The following RPS6KA5 variants were observed in gnomAD, a reference collection of about 807,000 sequenced individuals.
RPS6KA5 encodes the protein ribosomal protein S6 kinase A5, also known as ribosomal protein S6 kinase alpha-5.
RPS6KA5 carries 27 observed loss-of-function variants against 85.5 expected under a neutral mutation model. The ratio of observed to expected loss-of-function variants is 0.32; its 90% confidence interval spans 0.23 to 0.44. The LOEUF is 0.44. Among genes scored for constraint, RPS6KA5 ranks in the 20% least tolerant of loss-of-function variants. The pLI, the probability that RPS6KA5 is intolerant of heterozygous loss-of-function variation, is 1.00. For synonymous variants in RPS6KA5, 334 were observed against 348.2 expected, an observed-to-expected ratio of 0.96 and a Z score of 0.46; for missense variants, 811 against 980.9, an observed-to-expected ratio of 0.83 and a Z score of 2.31.
At chr14:90,877,329 C>T (rs111534394) in intron 14 of RPS6KA5, among the ~76,000 whole-genome samples, 1,960 of 152,290 alleles carry the variant, frequency 0.013, 43 homozygotes, top group African/African-American at 0.045. Flanking sequence ...AGAAGGCAGA[C>T]AAAACTCCCT....
intron 1 of RPS6KA5, among the ~76,000 whole-genome samples, chr14:91,059,097 G>A (rs1378312613): frequency 6.6e-6 from 1 of 152,170 alleles, no homozygotes; most frequent in African/African-American, 2.4e-5. Context: ...GGAGGCCGAG[G>A]CGGGCGGATC....
chr14:90,925,369 A>C (rs965784492), intron 5 of RPS6KA5, among the ~76,000 whole-genome samples: 6 of 152,236 alleles, frequency 3.9e-5, no homozygotes, highest in African/African-American at 1.4e-4. Flanking sequence ...CTACAGAAAA[A>C]TAAATTCATC....
At chr14:90,880,764 T>A (rs1004454523) in intron 14 of RPS6KA5, among the ~76,000 whole-genome samples, 3 of 152,172 alleles carry the variant, frequency 2.0e-5, no homozygotes, top group African/African-American at 4.8e-5. Flanking sequence ...AATTATTACA[T>A]CTTCCTGTTG....
At chr14:91,055,737 C>G (rs2139969807) in intron 1 of RPS6KA5, among the ~76,000 whole-genome samples, 1 of 152,152 alleles carries the variant, frequency 6.6e-6, no homozygotes, top group East Asian at 1.9e-4. Flanking sequence ...CATGATCGCA[C>G]CACTGCACTC....
At chr14:90,983,817 G>GTCTCTCTCTC (rs531667852) in intron 2 of RPS6KA5, among the ~76,000 whole-genome samples, 81 of 111,116 alleles carry the variant, frequency 7.3e-4, no homozygotes, top group South Asian at 1.9e-3. Flanking sequence ...CTCTCTCTCT[G>GTCTCTCTCTC]TCTCTCTCTC....
intron 4 of RPS6KA5, among the ~76,000 whole-genome samples, chr14:90,944,370 C>T (rs976079995): frequency 3.3e-5 from 5 of 152,186 alleles, no homozygotes; most frequent in African/African-American, 1.2e-4. Context: ...TAACCCTAGA[C>T]TTTGGAAGGC....
rs910895874 is a variant in RPS6KA5, at chr14:90,870,249, A to T, written c.*1825T>A. The stretch of plus-strand genomic sequence containing the variant: ...ATGGTCATTTTCTTGATTACTAGAG[A>T]TCTGTGCCTGATGGAATCACATTTT... On this transcript the variant is annotated 3_prime_UTR_variant, in exon 17 of 17. Transcript: ENST00000614987. The T allele has an allele frequency of 5.3e-5, 8 of 152,142 alleles. 1 individual carries two copies. In the East Asian group the frequency reaches 1.5e-3, roughly 29 times the overall value. The allele number at this position is 152,142 out of a possible 1,614,324, so 9.4% of individuals were successfully genotyped here.
intron 1 of RPS6KA5, among the ~76,000 whole-genome samples, chr14:91,012,645 G>A (rs1411669056): frequency 1.3e-5 from 2 of 152,216 alleles, no homozygotes; most frequent in Non-Finnish European, 2.9e-5. Context: ...AACTCTTAGA[G>A]CTACTTGGTC....
chr14:90,993,879 A>G (rs1242022743), intron 2 of RPS6KA5, among the ~76,000 whole-genome samples: 2 of 152,156 alleles, frequency 1.3e-5, no homozygotes, highest in East Asian at 3.8e-4. Flanking sequence ...CTGATTAGAA[A>G]AATGTTGTAT....
chr14:91,036,019 AAAAG>A (rs2042395679), intron 1 of RPS6KA5, among the ~76,000 whole-genome samples: 2 of 152,096 alleles, frequency 1.3e-5, no homozygotes, highest in African/African-American at 4.8e-5. Context: ...AAACAAACAA[AAAAG>A]AAAGAAACGA....
chr14:90,964,929 AAAAAAACC>A, intron 3 of RPS6KA5, among the ~76,000 whole-genome samples: 1 of 148,562 alleles, frequency 6.7e-6, no homozygotes, highest in Non-Finnish European at 1.5e-5. Flanking sequence ...AAAAAAAAAA[AAAAAAACC>A]AAAAAACCAA....
rs961209059 is a variant in RPS6KA5 at position 90,868,080 on chromosome 14, C to T, written c.*3994G>A. 2.6e-5 allele frequency: 4 copies of T among 152,170 alleles called. No individual in the cohort carries two copies. Among genetic ancestry groups the T allele is most frequent in the Non-Finnish European group, 5.9e-5 (4 of 68,032 alleles). 9.4% of individuals were successfully genotyped at this position (152,170 alleles called of 1,614,324 possible). On this transcript the variant is annotated 3_prime_UTR_variant, in exon 17 of 17. Coordinates refer to ENST00000614987, the MANE Select transcript of RPS6KA5 (RefSeq NM_004755.4). ...CCAATAAAACACGTAAATAACTACT[C>T]TTAAGGAAAATATTTTCTCTAAAGA...
chr14:90,922,685 G>C (rs1021410051), intron 6 of RPS6KA5, among the ~76,000 whole-genome samples: 10 of 152,306 alleles, frequency 6.6e-5, no homozygotes, highest in South Asian at 2.1e-4. Flanking sequence ...CTGACCTCAG[G>C]TGATCCATCC....
At chr14:90,959,670 T>C (rs1298542265) in intron 3 of RPS6KA5, among the ~76,000 whole-genome samples, 1 of 152,222 alleles carries the variant, frequency 6.6e-6, no homozygotes, top group Non-Finnish European at 1.5e-5. Context: ...CACCACCATC[T>C]TGTGGCCAGT....
chr14:90,920,200 T>C lies in RPS6KA5; in HGVS notation c.806+6A>G. 2.0e-6 allele frequency: 3 copies of C among 1,536,910 alleles called. No homozygotes were observed. The South Asian group carries it at 3.3e-5, about 17-fold the overall frequency. The stretch of plus-strand genomic sequence containing the variant: ...AATGCATTTATTTTATTTTGTCAAA[T>C]CTTACCTAGATATCTCAGCTTGGGA... On this transcript the variant is annotated splice_donor_region_variant and intron_variant, in intron 7 of 16. Coordinates refer to ENST00000614987, the MANE Select transcript of RPS6KA5 (RefSeq NM_004755.4).
intron 1 of RPS6KA5, among the ~76,000 whole-genome samples, chr14:91,015,127 T>C (rs1480841066): frequency 6.6e-6 from 1 of 152,190 alleles, no homozygotes; most frequent in Non-Finnish European, 1.5e-5. Context: ...TCAAAAGGAT[T>C]GCACAGAGGT....
At chr14:90,884,202 C>G (rs1403828627) in intron 14 of RPS6KA5, among the ~76,000 whole-genome samples, 1 of 152,332 alleles carries the variant, frequency 6.6e-6, no homozygotes, top group South Asian at 2.1e-4. Flanking sequence ...CTGGCTCCCA[C>G]AAACTGTGTG....
chr14:91,009,337 C>A (rs1434960682), intron 1 of RPS6KA5, among the ~76,000 whole-genome samples: 3 of 152,238 alleles, frequency 2.0e-5, no homozygotes, highest in African/African-American at 7.2e-5. Flanking sequence ...AGAGCCCTCA[C>A]CAGACACTGA....
At chr14:91,052,386 T>C in intron 1 of RPS6KA5, 1 of 391,844 alleles carries the variant, frequency 2.6e-6, no homozygotes, top group Non-Finnish European at 4.9e-6. Flanking sequence ...GAGAATCACT[T>C]GAACCCAGGA....
Sources: allele counts gnomAD v4.1 joint callset (sites outside exome capture counted in the v4.1 genomes callset), GRCh38; gene constraint gnomAD v4.1.1; transcripts MANE v1.5; gene names NCBI Gene and HGNC (gene_info 2026-07-23, HGNC 2026-07-21).